The following FLII variants were observed in gnomAD, a reference collection of about 807,000 sequenced individuals.
FLII encodes FLII actin remodeling protein.
A neutral mutation model predicts 156.2 loss-of-function variants in FLII; 101 were observed. That is an observed-to-expected ratio of 0.65 (90% CI 0.55 to 0.76). The LOEUF is 0.76. Ranked by LOEUF, FLII falls within the 30% of genes least tolerant of loss-of-function variation. The probability of loss-of-function intolerance (pLI) is 0.00; values close to 1 mark genes in which losing one functional copy is unlikely to be tolerated. For missense variants in FLII, 1,675 were observed against 1,682.8 expected, an observed-to-expected ratio of 1.00 and a Z score of 0.08; for synonymous variants, 767 against 685.8, an observed-to-expected ratio of 1.12 and a Z score of -1.85.
chr17:18,253,157 AAAAAGAAAAGAAAAG>A (rs550976109), intron 9 of FLII, 129 bp downstream of exon 9: 13 of 901,200 alleles, frequency 1.4e-5, no homozygotes, highest in Non-Finnish European at 2.0e-5. Context: ...CTCAAAAACA[AAAAAGAAAAGAAAAG>A]AAAAGAAAAG....
At chr17:18,249,298 A>C in intron 15 of FLII, 28 bp downstream of exon 15, 5 of 1,610,626 alleles carry the variant, frequency 3.1e-6, no homozygotes, top group South Asian at 1.1e-5. Flanking sequence ...CTCCAGGTCC[A>C]TACCCCCCAC....
At position 18,245,480 on chromosome 17, in the gene FLII, G is replaced by A. The variant is rs1227768117; in HGVS notation, c.3610-61C>T. 39 of 1,612,060 alleles carry A rather than the reference G, an allele frequency of 2.4e-5. No individual in the cohort carries two copies. The East Asian group carries it at 8.2e-4, about 34-fold the overall frequency. ...TGCCTGGGAACAGCCCCTTGCTCCTGGCCCGAGAATTCCCATTTGTAAGTA... is the reference window on the plus strand; with the variant it reads ...TGCCTGGGAACAGCCCCTTGCTCCTAGCCCGAGAATTCCCATTTGTAAGTA... On this transcript the variant is annotated intron_variant, in intron 28 of 29. Coordinates refer to ENST00000327031, the MANE Select transcript of FLII (RefSeq NM_002018.4).
Position 18,246,596 on chromosome 17 carries a change from C to A in FLII, c.3049G>T (p.Glu1017Ter), listed in dbSNP as rs1451570260. Residue 1017 changes from glutamate to a stop codon, truncating the protein, a stop_gained and splice_region_variant, in exon 23 of 30, where the codon GAG (glutamate) becomes TAG (stop). Transcript: ENST00000327031. LOFTEE classifies it high-confidence loss of function. ...GCTCGCGGGGCTGCCAGGCACACCT[C>A]CAGCTTCCCAGGGAAGAGGCTCTCG... ...KFESLFPGKL[E>*]VVRMTQQQEN... 1 of 1,613,784 alleles carries A rather than the reference C, an allele frequency of 6.2e-7. No homozygotes were observed.
chr17:18,247,517 G>A, intron 20 of FLII, 140 bp downstream of exon 20: 1 of 1,043,406 alleles, frequency 9.6e-7, no homozygotes, highest in Non-Finnish European at 1.4e-6. Context: ...AGCTTGCAGA[G>A]GGGGCGGGGC....
In FLII at chr17:18,246,700, C is replaced by G. The variant is rs1347069005; in HGVS notation, c.2945G>C (p.Cys982Ser). 1 of 1,613,642 alleles carries G rather than the reference C, an allele frequency of 6.2e-7. No individual in the cohort carries two copies. The highest frequency in any genetic ancestry group is 1.1e-5 in the South Asian group (1 of 90,968). ...ACGGCCCTGCCAGAAGTACACGATG[C>G]ACTGGAAGTCCTCCTCTGGCTGCTT... ...EEKQPEEDFQ[C>S]IVYFWQGREA... Residue 982 changes from cysteine to serine, a missense_variant, in exon 23 of 30, where the codon TGC becomes TCC. Physicochemically the swap from Cys to Ser is moderately radical, Grantham distance 112 (BLOSUM62 -1). Coordinates refer to ENST00000327031, the MANE Select transcript of FLII (RefSeq NM_002018.4).
chr17:18,247,484 A>T (rs531200574), intron 20 of FLII, 127 bp from the exon 21 acceptor site: 6 of 1,091,452 alleles, frequency 5.5e-6, no homozygotes, highest in Non-Finnish European at 7.9e-6. Flanking sequence ...GGCCTCGGAC[A>T]CGGAGGTAGG....
chr17:18,248,358 A>G (rs1199294196), intron 18 of FLII, among the ~76,000 whole-genome samples, 192 bp downstream of exon 18: 2 of 152,152 alleles, frequency 1.3e-5, no homozygotes, highest in Non-Finnish European at 2.9e-5. Context: ...CATCCTGGAA[A>G]GACTCCGTGA....
chr17:18,256,949 A>G lies in FLII; in HGVS notation c.134T>C (p.Leu45Pro). The part of the protein sequence containing the change: ...LRWLKLNRTG[L>P]CYLPEELAAL... ...GGCCAGCTCCTCGGGCAGGTAGCAGAGGCCAGTGCGGTTCAGCTTCAGCCA... is the reference window on the plus strand; with the variant it reads ...GGCCAGCTCCTCGGGCAGGTAGCAGGGGCCAGTGCGGTTCAGCTTCAGCCA... Residue 45 changes from leucine to proline, a missense_variant, in exon 2 of 30, where the codon CTC becomes CCC. This residue lies in a region of FLII where 343 missense variants were observed against 413.5 expected (regional missense o/e 0.83). Transcript: ENST00000327031. The G allele has an allele frequency of 6.2e-7, 1 of 1,612,132 alleles. No individual in the cohort carries two copies. The highest frequency in any genetic ancestry group is 1.1e-5 in the South Asian group (1 of 90,590).
intron 10 of FLII, 50 bp downstream of exon 10, chr17:18,252,422 A>C (rs1351631905): frequency 6.4e-7 from 1 of 1,560,758 alleles, no homozygotes; most frequent in African/African-American, 1.4e-5. Context: ...GCTCCAGGGC[A>C]CACCCCTTGC....
chr17:18,247,595 G>A, intron 20 of FLII, 62 bp downstream of exon 20: 3 of 1,414,712 alleles, frequency 2.1e-6, no homozygotes, highest in Non-Finnish European at 2.8e-6. Flanking sequence ...GAAGCCACAG[G>A]GGTCAGGGCA....
rs763991566 is a variant in FLII at position 18,252,477 on chromosome 17, T to A, written c.1093A>T (p.Ile365Phe). The change falls in exon 10 of 30, where the codon ATC becomes TTC. Residue 365 changes from isoleucine to phenylalanine, a missense_variant. This residue lies in a region of FLII where 1,332 missense variants were observed against 1,269.3 expected (regional missense o/e 1.05). Transcript: ENST00000327031. ...LPEAIHFLTE[I>F]EVLDVRENPN... Reference sequence around the variant, plus strand: ...TCAAACCCAGCATGCCTGACCTCGATCTCCGTCAGGAAATGGATGGCTTCT... The same window carrying A: ...TCAAACCCAGCATGCCTGACCTCGAACTCCGTCAGGAAATGGATGGCTTCT... 16 of 1,613,636 alleles carry A rather than the reference T, an allele frequency of 9.9e-6. No individual in the cohort carries two copies. In the South Asian group the frequency reaches 1.6e-4, roughly 17 times the overall value.
In FLII at chr17:18,253,700, A is replaced by G. The variant is rs778981437; in HGVS notation, c.699T>C (p.Asn233=). 1.9e-6 allele frequency: 3 copies of G among 1,611,548 alleles called. No homozygotes were observed. The African/African-American group carries it at 4.0e-5, about 22-fold the overall frequency. Residue 233 remains asparagine, a synonymous_variant, in exon 8 of 30, where the codon AAT becomes AAC. Coordinates refer to ENST00000327031, the MANE Select transcript of FLII (RefSeq NM_002018.4). ...GACACTCGGGCACCCGTGTCAGGTCATTGCAGGACAGATCCACGTCTGGGG... is the reference window on the plus strand; with the variant it reads ...GACACTCGGGCACCCGTGTCAGGTCGTTGCAGGACAGATCCACGTCTGGGG... ...SNLADVDLSC[N]DLTRVPECLY...
rs751422060 is a variant in FLII at position 18,245,431 on chromosome 17, G to A, written c.3610-12C>T. 8.1e-6 allele frequency: 13 copies of A among 1,614,004 alleles called. No individual in the cohort carries two copies. Among genetic ancestry groups the A allele is most frequent in the Admixed American group, 1.7e-5 (1 of 60,026 alleles). On this transcript the variant is annotated splice_polypyrimidine_tract_variant and intron_variant, in intron 28 of 29. Transcript: ENST00000327031. The stretch of plus-strand genomic sequence containing the variant: ...ACCCACATGTAGACCTGTGGGGGCA[G>A]CAGGGGAGATACGGTTGCATGGGTG...
intron 14 of FLII, among the ~76,000 whole-genome samples, chr17:18,249,815 C>CA (rs1476813047): frequency 1.4e-5 from 2 of 146,098 alleles, no homozygotes; most frequent in African/African-American, 2.5e-5. Context: ...AACAAACAAA[C>CA]AACAACAAAA....
intron 7 of FLII, 40 bp downstream of exon 7, chr17:18,254,039 A>C (rs1296954052): frequency 1.3e-6 from 2 of 1,491,254 alleles, no homozygotes; most frequent in African/African-American, 2.8e-5. Context: ...GAGGGCCCAG[A>C]GGGGGCCCGA....
chr17:18,246,137 T>G, intron 25 of FLII, 25 bp downstream of exon 25: 1 of 1,613,684 alleles, frequency 6.2e-7, no homozygotes, highest in Non-Finnish European at 8.5e-7. Flanking sequence ...GTCCACGGAG[T>G]CCTGGCTCAC....
chr17:18,254,820 C>T lies in FLII; in HGVS notation c.362G>A (p.Arg121Gln), dbSNP rs768634078. Reference protein sequence around the residue: ...LSHNQLTECPRELENAKNMLV... With the variant: ...LSHNQLTECPQELENAKNMLV... Reference sequence around the variant, plus strand: ...CATGTTCTTGGCGTTCTCCAGCTCCCGCGGGCACTCTGTCAGCTGGTTGTG... The same window carrying T: ...CATGTTCTTGGCGTTCTCCAGCTCCTGCGGGCACTCTGTCAGCTGGTTGTG... The change falls in exon 5 of 30, where the codon CGG (arginine) becomes CAG (glutamine). Residue 121 changes from arginine (R) to glutamine (Q), a missense_variant. Physicochemically the swap from Arg to Gln is conservative, Grantham distance 43 (BLOSUM62 1). Around this residue, in one of 2 missense-constraint regions of FLII, gnomAD observed 343 missense variants for 413.5 expected, o/e 0.83. Coordinates refer to ENST00000327031, the MANE Select transcript of FLII (RefSeq NM_002018.4). 3.7e-6 allele frequency: 6 copies of T among 1,614,140 alleles called. No individual in the cohort carries two copies. Among genetic ancestry groups the T allele is most frequent in the South Asian group, 2.2e-5 (2 of 91,084 alleles).
chr17:18,258,650 T>A lies in FLII; in HGVS notation c.41A>T (p.Asp14Val), dbSNP rs1047892781. The A allele has an allele frequency of 2.3e-5, 35 of 1,553,856 alleles. No individual in the cohort carries two copies. The highest frequency in any genetic ancestry group is 2.8e-5 in the Non-Finnish European group (32 of 1,160,136). ...CACCTTGAAGTCGTTGCCGCTGAGGTCCACGCCACGCACGAACGGCAGCAC... is the reference window on the plus strand; with the variant it reads ...CACCTTGAAGTCGTTGCCGCTGAGGACCACGCCACGCACGAACGGCAGCAC... ...TGVLPFVRGV[D>V]LSGNDFKGGY... The change falls in exon 1 of 30, where the codon GAC becomes GTC. Residue 14 changes from aspartate (D) to valine (V), a missense_variant. Physicochemically the swap from Asp to Val is radical, Grantham distance 152. Transcript: ENST00000327031. This position sits in a 1 kb window ranked among gnomAD's most constrained non-coding sequence, Gnocchi z 4.2.
chr17:18,250,163 G>A (rs759387259), intron 14 of FLII, among the ~76,000 whole-genome samples: 6 of 152,150 alleles, frequency 3.9e-5, no homozygotes, highest in East Asian at 1.9e-4. Context: ...TACACACGTC[G>A]GGGTGTTGGG....
Sources: allele counts gnomAD v4.1 joint callset (sites outside exome capture counted in the v4.1 genomes callset), GRCh38; gene constraint gnomAD v4.1.1; regional missense constraint gnomAD v4.1.1; non-coding constraint Gnocchi (gnomAD v3.1); transcripts MANE v1.5; gene names NCBI Gene and HGNC (gene_info 2026-07-23, HGNC 2026-07-21).